The following TRIM44 variants were observed in gnomAD, a reference collection of about 807,000 sequenced individuals.
TRIM44 encodes the protein tripartite motif containing 44, also known as tripartite motif-containing protein 44.
In TRIM44, 13 loss-of-function variants were observed where a neutral mutation model predicts 37.4. That is an observed-to-expected ratio of 0.35 (90% CI 0.23 to 0.55). The LOEUF (loss-of-function observed/expected upper bound fraction) is 0.55, where lower values mean the gene tolerates loss of function less well. TRIM44 is among the 20% of genes least tolerant of loss of function. The pLI is 0.89. For missense variants in TRIM44, 426 were observed against 437.2 expected (o/e 0.97, Z 0.23); for synonymous variants, 175 against 157.2 (o/e 1.11, Z -0.85).
chr11:35,719,104 A>C (rs1372821079), intron 2 of TRIM44, among the ~76,000 whole-genome samples: 1 of 152,180 alleles, frequency 6.6e-6, no homozygotes, highest in Non-Finnish European at 1.5e-5. Context: ...AATACCAAGG[A>C]GCATGATTGC....
At chr11:35,791,107 T>C (rs1049254369) in intron 4 of TRIM44, among the ~76,000 whole-genome samples, 5 of 152,100 alleles carry the variant, frequency 3.3e-5, no homozygotes, top group African/African-American at 1.2e-4. Context: ...AGTCTGGCTT[T>C]GACAAAGAGG....
chr11:35,781,425 A>G (rs1348503506), intron 4 of TRIM44, among the ~76,000 whole-genome samples: 2 of 152,180 alleles, frequency 1.3e-5, no homozygotes, highest in East Asian at 3.9e-4. Context: ...GTAGGAGGAG[A>G]GAGAACATGC....
intron 2 of TRIM44, among the ~76,000 whole-genome samples, chr11:35,722,148 G>A (rs1014635871): frequency 2.6e-5 from 4 of 152,092 alleles, no homozygotes; most frequent in Admixed American, 2.0e-4. Context: ...CTGCTTTTTT[G>A]TTTTTCTGTT....
Position 35,778,473 on chromosome 11 carries a change from C to A in TRIM44, c.1008-27885C>A, listed in dbSNP as rs532703551. Among the ~76,000 whole-genome samples, 3 of 152,318 alleles carry A rather than the reference C, an allele frequency of 2.0e-5. No individual in the cohort carries two copies. The South Asian group carries it at 6.2e-4, about 32-fold the overall frequency. ...CCTTCTTCTCTCAAGTCGTCAAAGT[C>A]ATTCTCCATCCAGCTTTGTTCTGTT... On this transcript the variant is annotated intron_variant, in intron 4 of 4. Coordinates refer to ENST00000299413, the MANE Select transcript of TRIM44 (RefSeq NM_017583.6).
At chr11:35,727,078 A>G (rs1438164000) in intron 3 of TRIM44, among the ~76,000 whole-genome samples, 3 of 151,570 alleles carry the variant, frequency 2.0e-5, no homozygotes, top group African/African-American at 4.9e-5. Context: ...AGATTACTTG[A>G]GCCCCGGAGG....
rs1354441894 is a variant in TRIM44 at position 35,813,465 on chromosome 11, C to T, written c.*7080C>T. The T allele has an allele frequency of 6.6e-6, 1 of 152,194 alleles. No homozygotes were observed. Among genetic ancestry groups the T allele is most frequent in the Admixed American group, 6.5e-5 (1 of 15,282 alleles). 9.4% of individuals were successfully genotyped at this position (152,194 alleles called of 1,614,324 possible). ...GGCACCTCCTCAGAACCTATTTGCT[C>T]TTCCTTCACACATATTTCTAACTGT... On this transcript the variant is annotated 3_prime_UTR_variant, in exon 5 of 5. Coordinates refer to ENST00000299413, the MANE Select transcript of TRIM44 (RefSeq NM_017583.6).
intron 2 of TRIM44, among the ~76,000 whole-genome samples, chr11:35,703,086 C>A (rs1406980818): frequency 2.6e-5 from 4 of 152,200 alleles, no homozygotes; most frequent in Admixed American, 2.6e-4. Flanking sequence ...GCTTAAAAAA[C>A]GGCGCACCAG....
At chr11:35,773,434 T>G (rs1852902355) in intron 4 of TRIM44, among the ~76,000 whole-genome samples, 1 of 152,190 alleles carries the variant, frequency 6.6e-6, no homozygotes, top group Admixed American at 6.5e-5. Context: ...CTTTGCAGGC[T>G]GTTTACTCGG....
At chr11:35,667,474 A>G (rs1254310790) in intron 1 of TRIM44, among the ~76,000 whole-genome samples, 5 of 152,282 alleles carry the variant, frequency 3.3e-5, no homozygotes, top group East Asian at 1.9e-4. Context: ...GGCTTAAGCA[A>G]TCCTCCCACC....
Position 35,807,330 on chromosome 11 carries a change from C to G in TRIM44, c.*945C>G, listed in dbSNP as rs756191494. On this transcript the variant is annotated 3_prime_UTR_variant, in exon 5 of 5. Coordinates refer to ENST00000299413, the MANE Select transcript of TRIM44 (RefSeq NM_017583.6). ...AAACGCAGTATGGGGAGAATTGTTC[C>G]CATTCCATGTGTTCTGAATTCAGCT... 5 of 152,164 alleles carry G rather than the reference C, an allele frequency of 3.3e-5. No homozygotes were observed. The highest frequency in any genetic ancestry group is 5.9e-5 in the Non-Finnish European group (4 of 68,000). 9.4% of individuals were successfully genotyped at this position (152,164 alleles called of 1,614,324 possible).
intron 2 of TRIM44, among the ~76,000 whole-genome samples, chr11:35,703,517 G>C (rs990102596): frequency 6.6e-6 from 1 of 152,200 alleles, no homozygotes; most frequent in Admixed American, 6.5e-5. Context: ...CCCCCCAGTA[G>C]GGGTAGACTG....
intron 4 of TRIM44, among the ~76,000 whole-genome samples, chr11:35,761,678 C>T (rs1161206721): frequency 6.6e-6 from 1 of 152,148 alleles, no homozygotes; most frequent in African/African-American, 2.4e-5. Context: ...AATAATTTGT[C>T]CAAGGTCACA....
intron 2 of TRIM44, among the ~76,000 whole-genome samples, chr11:35,693,464 C>T (rs1487409520): frequency 6.6e-6 from 1 of 152,034 alleles, no homozygotes; most frequent in Admixed American, 6.6e-5. Context: ...GTGGGTACCT[C>T]TTTATGCTGG....
chr11:35,798,354 C>G (rs1165933055), intron 4 of TRIM44, among the ~76,000 whole-genome samples: 2 of 152,104 alleles, frequency 1.3e-5, no homozygotes, highest in East Asian at 1.9e-4. Context: ...GATCGCGGTT[C>G]CCAGCTTGAC....
intron 4 of TRIM44, among the ~76,000 whole-genome samples, chr11:35,797,158 G>A (rs1355482628): frequency 2.6e-5 from 4 of 152,126 alleles, no homozygotes; most frequent in African/African-American, 4.8e-5. Flanking sequence ...CCAGAAAACC[G>A]TTATTGATGG....
intron 1 of TRIM44, among the ~76,000 whole-genome samples, chr11:35,668,726 C>T (rs984108328): frequency 6.6e-6 from 1 of 152,186 alleles, no homozygotes; most frequent in Non-Finnish European, 1.5e-5. Context: ...TGGGTGTATA[C>T]CCAGTAATGG....
chr11:35,671,234 G>A (rs959594588), intron 1 of TRIM44, among the ~76,000 whole-genome samples: 1 of 152,180 alleles, frequency 6.6e-6, no homozygotes, highest in Non-Finnish European at 1.5e-5. Context: ...TATTATAAAT[G>A]AAAAGTAAAA....
At chr11:35,804,166 A>G (rs1468288003) in intron 4 of TRIM44, among the ~76,000 whole-genome samples, 2 of 152,190 alleles carry the variant, frequency 1.3e-5, no homozygotes, top group African/African-American at 4.8e-5. Flanking sequence ...AATAAATGAT[A>G]TGCCAGTATC....
chr11:35,768,531 T>C (rs1852826232), intron 4 of TRIM44, among the ~76,000 whole-genome samples: 1 of 152,172 alleles, frequency 6.6e-6, no homozygotes, highest in African/African-American at 2.4e-5. Flanking sequence ...GGCCCTTGGA[T>C]CCCTGAAGGA....
Sources: gnomAD v4.1 joint callset for allele counts (sites outside exome capture counted in the v4.1 genomes callset) on GRCh38, gnomAD v4.1.1 for gene constraint, MANE v1.5 for transcripts, NCBI Gene and HGNC (gene_info 2026-07-23, HGNC 2026-07-21) for gene names.